The following PSD3 variants were observed in gnomAD, a reference collection of about 807,000 sequenced individuals.
PSD3 encodes pleckstrin and Sec7 domain containing 3, also known as PH and SEC7 domain-containing protein 3.
Under a neutral mutation model 105.5 loss-of-function variants are expected in PSD3, and 49 were observed. The ratio of observed to expected loss-of-function variants is 0.46; its 90% confidence interval spans 0.37 to 0.59. The LOEUF is 0.59. PSD3 is among the 20% of genes least tolerant of loss of function. The probability of loss-of-function intolerance (pLI) is 0.00; values close to 1 mark genes in which losing one functional copy is unlikely to be tolerated. For missense variants in PSD3, 1,561 were observed against 1,263.8 expected, an observed-to-expected ratio of 1.24 and a Z score of -3.57; for synonymous variants, 557 against 457.8, an observed-to-expected ratio of 1.22 and a Z score of -2.77.
intron 12 of PSD3, among the ~76,000 whole-genome samples, chr8:18,579,280 A>T (rs1204953277): frequency 6.6e-6 from 1 of 152,202 alleles, no homozygotes; most frequent in Admixed American, 6.5e-5. Flanking sequence ...GGCAGGAAGA[A>T]ATAACGGATA....
chr8:18,556,099 G>A lies in PSD3; in HGVS notation c.2928+110C>T, dbSNP rs1565230. 1,709 of 1,317,950 alleles carry A rather than the reference G, an allele frequency of 1.3e-3. 17 individuals carry two copies. In the African/African-American group the frequency reaches 0.021, roughly 16 times the overall value. 81.6% of individuals were successfully genotyped at this position (1,317,950 alleles called of 1,614,324 possible). ...GCCAGGAGCTCCCAAATTAGAGCCAGGGGCAAGACACGCCTCTCTCAGTGA... is the reference window on the plus strand; with the variant it reads ...GCCAGGAGCTCCCAAATTAGAGCCAAGGGCAAGACACGCCTCTCTCAGTGA... On this transcript the variant is annotated intron_variant, in intron 15 of 15. Coordinates refer to ENST00000327040, the MANE Select transcript of PSD3 (RefSeq NM_015310.4).
rs375915987 is a variant in PSD3, at chr8:18,551,802, G to A, written c.2928+4407C>T. Among the ~76,000 whole-genome samples, 59 of 152,124 alleles carry A rather than the reference G, an allele frequency of 3.9e-4. No homozygotes were observed. In the South Asian group the frequency reaches 7.3e-3, roughly 19 times the overall value. ...ATTGGAACCTGAAAACACATATACC[G>A]AGAAGTATCTTCCTTCCAAGCATGA... On this transcript the variant is annotated intron_variant, in intron 15 of 15. Transcript: ENST00000327040.
rs112556438 is a variant in PSD3, at chr8:18,551,706, T to C, written c.2928+4503A>G. On this transcript the variant is annotated intron_variant, in intron 15 of 15. Coordinates refer to ENST00000327040, the MANE Select transcript of PSD3 (RefSeq NM_015310.4). The stretch of plus-strand genomic sequence containing the variant: ...TTCAGCTGAATTCAAGCCCATTAAG[T>C]CAAGTGACCTTTATTCTAAGTCTTT... Among the ~76,000 whole-genome samples, 853 of 152,290 alleles carry C rather than the reference T, an allele frequency of 5.6e-3. 6 individuals carry two copies. The highest frequency in any genetic ancestry group is 9.2e-3 in the Non-Finnish European group (628 of 68,024).
rs1015651860 is a variant in PSD3 at position 18,823,333 on chromosome 8, C to G, written c.1635-18435G>C. ...ACATTTTGAATTCCTATCATTGGAACTAGGGCTGATAAAATAAAAACTAAA... is the reference window on the plus strand; with the variant it reads ...ACATTTTGAATTCCTATCATTGGAAGTAGGGCTGATAAAATAAAAACTAAA... On this transcript the variant is annotated intron_variant, in intron 4 of 15. Transcript: ENST00000327040. Among the ~76,000 whole-genome samples the G allele has an allele frequency of 2.0e-5, 3 of 152,284 alleles. No homozygotes were observed. The East Asian group carries it at 5.8e-4, about 29-fold the overall frequency.
chr8:18,665,690 A>G (rs1371077177), intron 9 of PSD3, among the ~76,000 whole-genome samples: 2 of 152,224 alleles, frequency 1.3e-5, no homozygotes, highest in Non-Finnish European at 2.9e-5. Flanking sequence ...ATCTTTCATG[A>G]AAGAGTCTAC....
At chr8:18,909,988 A>C (rs1820098203) in intron 2 of PSD3, among the ~76,000 whole-genome samples, 1 of 152,202 alleles carries the variant, frequency 6.6e-6, no homozygotes, top group Admixed American at 6.5e-5. Flanking sequence ...CAATTATAAC[A>C]GAGAAGGAAT....
At chr8:18,717,854 C>T (rs1454930292) in intron 9 of PSD3, among the ~76,000 whole-genome samples, 1 of 152,118 alleles carries the variant, frequency 6.6e-6, no homozygotes, top group Non-Finnish European at 1.5e-5. Context: ...GCTCTAGCTC[C>T]CTTACGAACA....
chr8:18,631,765 T>A (rs1806916122), intron 11 of PSD3, among the ~76,000 whole-genome samples: 5 of 152,046 alleles, frequency 3.3e-5, no homozygotes, highest in East Asian at 1.9e-4. Context: ...TAAGTCCATG[T>A]CAAAGCCACC....
intron 1 of PSD3, among the ~76,000 whole-genome samples, chr8:18,941,048 A>C (rs1308705212): frequency 6.6e-6 from 1 of 152,210 alleles, no homozygotes; most frequent in Non-Finnish European, 1.5e-5. Context: ...CTCTCCAATA[A>C]TTAATGCAGG....
intron 12 of PSD3, among the ~76,000 whole-genome samples, chr8:18,576,141 A>G (rs1802450186): frequency 1.3e-5 from 2 of 152,064 alleles, no homozygotes. Context: ...AGTCCTCCAT[A>G]CTTCCCCTCC....
intron 1 of PSD3, among the ~76,000 whole-genome samples, chr8:19,047,206 A>G (rs1380445108): frequency 6.6e-6 from 1 of 152,158 alleles, no homozygotes; most frequent in African/African-American, 2.4e-5. Context: ...GCTGATGATA[A>G]AACGCACTCC....
intron 4 of PSD3, among the ~76,000 whole-genome samples, chr8:18,819,769 G>A (rs1215663096): frequency 6.6e-6 from 1 of 151,940 alleles, no homozygotes; most frequent in African/African-American, 2.4e-5. Context: ...AGTAGAGATG[G>A]GGTTTCACCG....
intron 8 of PSD3, among the ~76,000 whole-genome samples, chr8:18,788,989 C>A (rs1038195395): frequency 6.6e-6 from 1 of 152,126 alleles, no homozygotes; most frequent in Non-Finnish European, 1.5e-5. Flanking sequence ...TCAATGTGCT[C>A]TCTCACAAAC....
chr8:19,013,223 A>AATT, intron 1 of PSD3, among the ~76,000 whole-genome samples: 1 of 151,980 alleles, frequency 6.6e-6, no homozygotes, highest in South Asian at 2.1e-4. Context: ...ATAGTCCCTA[A>AATT]ATACAAGCTG....
chr8:19,034,933 T>G (rs1370216381), intron 1 of PSD3, among the ~76,000 whole-genome samples: 1 of 152,198 alleles, frequency 6.6e-6, no homozygotes, highest in African/African-American at 2.4e-5. Context: ...CAGATCCCTC[T>G]GTTAATTCAG....
At position 18,785,870 on chromosome 8, in the gene PSD3, G is replaced by A. The variant is rs116124042; in HGVS notation, c.2082+13425C>T. Among the ~76,000 whole-genome samples the A allele has an allele frequency of 3.4e-3, 523 of 152,246 alleles. 4 individuals are homozygous for A. Among genetic ancestry groups the A allele is most frequent in the African/African-American group, 0.012 (494 of 41,562 alleles). ...GATGGGGGAATGGCCAGCCTTTGGC[G>A]CAGTCAAAACATATATATTTATCAA... is the stretch of plus-strand genomic sequence containing the variant. On this transcript the variant is annotated intron_variant, in intron 8 of 15. Coordinates refer to ENST00000327040, the MANE Select transcript of PSD3 (RefSeq NM_015310.4).
chr8:18,933,844 G>C (rs1244322784), intron 2 of PSD3, among the ~76,000 whole-genome samples: 1 of 152,018 alleles, frequency 6.6e-6, no homozygotes, highest in Non-Finnish European at 1.5e-5. Context: ...CAGATGATTA[G>C]GTACCTCAAA....
At chr8:19,016,834 G>T (rs998995088), upstream of PSD3, among the ~76,000 whole-genome samples, 1 of 152,032 alleles carries the variant, frequency 6.6e-6, no homozygotes, top group South Asian at 2.1e-4. Flanking sequence ...AGCAAATGGG[G>T]TCCAAACTTA....
intron 4 of PSD3, among the ~76,000 whole-genome samples, chr8:18,854,864 G>A (rs902075037): frequency 2.0e-5 from 3 of 151,916 alleles, no homozygotes; most frequent in Admixed American, 6.6e-5. Context: ...TTTTCTGCTC[G>A]TGGATGTGAA....
Sources: allele counts gnomAD v4.1 joint callset (sites outside exome capture counted in the v4.1 genomes callset), GRCh38; gene constraint gnomAD v4.1.1; transcripts MANE v1.5; gene names NCBI Gene and HGNC (gene_info 2026-07-23, HGNC 2026-07-21).